Variants in PEA15 observed in about 807,000 individuals in gnomAD.
PEA15 encodes astrocytic phosphoprotein PEA-15.
For synonymous variants in PEA15, 60 were observed against 61.8 expected, an observed-to-expected ratio of 0.97 and a Z score of 0.13; for missense variants, 77 against 161.3, an observed-to-expected ratio of 0.48 and a Z score of 2.83.
At chr1:160,210,391 T>G (rs1654819359) in intron 1 of PEA15, among the ~76,000 whole-genome samples, 1 of 152,258 alleles carries the variant, frequency 6.6e-6, no homozygotes, top group African/African-American at 2.4e-5. Flanking sequence ...AGATACTCAT[T>G]GTGGAAATAA....
chr1:160,206,058 A>G (rs1485357183), intron 1 of PEA15: 1 of 152,386 alleles, frequency 6.6e-6, no homozygotes, highest in East Asian at 1.9e-4. Context: ...ATTTCATATA[A>G]TCCGTGTCAA....
chr1:160,208,788 T>G lies in PEA15; in HGVS notation c.-2-2755T>G. The G allele has an allele frequency of 1.2e-6, 1 of 809,238 alleles. No individual in the cohort carries two copies. Among genetic ancestry groups the G allele is most frequent in the East Asian group, 2.7e-5 (1 of 37,238 alleles). The allele number at this position is 809,238 out of a possible 1,614,324, so 50.1% of individuals were successfully genotyped here. ...CAAGAAGGGAGGCAACTGGGCTGCC[T>G]TTCCTTGTACCGTCAGGGGGCCTTA... On this transcript the variant is annotated intron_variant, in intron 1 of 3. Transcript: ENST00000360472. The surrounding 1 kb of genome is among the most constrained non-coding windows in gnomAD (Gnocchi z 4.1).
rs1206400724 is a variant in PEA15, at chr1:160,213,346, T to G, written c.329-76T>G. On this transcript the variant is annotated intron_variant, in intron 3 of 3. Coordinates refer to ENST00000360472, the MANE Select transcript of PEA15 (RefSeq NM_003768.5). This position sits in a 1 kb window ranked among gnomAD's most constrained non-coding sequence, Gnocchi z 5.3. ...TTGGAGTACTTGAGTTTTGGGAGAGTGGAGGCAGATGCCCAATGGGCCTGC... is the reference window on the plus strand; with the variant it reads ...TTGGAGTACTTGAGTTTTGGGAGAGGGGAGGCAGATGCCCAATGGGCCTGC... The G allele has an allele frequency of 9.3e-6, 15 of 1,609,656 alleles. No individual in the cohort carries two copies. In the South Asian group the frequency reaches 1.4e-4, roughly 15 times the overall value.
intron 2 of PEA15, among the ~76,000 whole-genome samples, chr1:160,212,421 G>C (rs1321282055): frequency 6.6e-6 from 1 of 152,082 alleles, no homozygotes; most frequent in Middle Eastern, 3.2e-3. Flanking sequence ...GAGAGCCTGG[G>C]TATTGGATAG....
Position 160,213,210 on chromosome 1 carries a change from G to A in PEA15, c.273G>A (p.Glu91=), listed in dbSNP as rs760677117. 53 of 1,614,080 alleles carry A rather than the reference G, an allele frequency of 3.3e-5. No homozygotes were observed. The highest frequency in any genetic ancestry group is 5.1e-6 in the Non-Finnish European group (6 of 1,180,046). ...GAACCCGTGTGCTGAAGATCTCTGA[G>A]GAGGATGAGCTGGACACCAAGCTAA... ...DYRTRVLKIS[E]EDELDTKLTR... Residue 91 remains glutamate (E), a synonymous_variant, in exon 3 of 4, where the codon GAG becomes GAA. Coordinates refer to ENST00000360472, the MANE Select transcript of PEA15 (RefSeq NM_003768.5). The surrounding 1 kb of genome is among the most constrained non-coding windows in gnomAD (Gnocchi z 5.3).
At position 160,214,214 on chromosome 1, in the gene PEA15, T is replaced by C. The variant is rs903493136; in HGVS notation, c.*728T>C. ...TGAGGGCAGAGAGAGGGGAGCCCCC[T>C]CTTCCACTCAGTTGTTCCTACTCAG... On this transcript the variant is annotated 3_prime_UTR_variant, in exon 4 of 4. Transcript: ENST00000360472. 1.3e-5 allele frequency: 2 copies of C among 152,744 alleles called. No individual in the cohort carries two copies. Among genetic ancestry groups the C allele is most frequent in the African/African-American group, 4.8e-5 (2 of 41,408 alleles). The allele number at this position is 152,744 out of a possible 1,614,324, so 9.5% of individuals were successfully genotyped here. A position where few individuals can be genotyped will look rare whatever the true frequency, so the allele number is the denominator to read the frequency against.
intron 1 of PEA15, among the ~76,000 whole-genome samples, chr1:160,210,371 A>G: frequency 6.6e-6 from 1 of 152,358 alleles, no homozygotes; most frequent in African/African-American, 2.4e-5. Context: ...TTTTCTGACT[A>G]AAAGGAAATA....
Position 160,213,167 on chromosome 1 carries a change from C to T in PEA15, c.230C>T (p.Thr77Ile), listed in dbSNP as rs1654945451. The change falls in exon 3 of 4, where the codon ACT becomes ATT. Residue 77 changes from threonine to isoleucine, a missense_variant. By Grantham distance (89) the Thr-to-Ile change is moderately conservative. Coordinates refer to ENST00000360472, the MANE Select transcript of PEA15 (RefSeq NM_003768.5). The surrounding 1 kb of genome is among the most constrained non-coding windows in gnomAD (Gnocchi z 5.3). Reference protein sequence around the residue: ...FEISRRPDLLTMVVDYRTRVL... With the variant: ...FEISRRPDLLIMVVDYRTRVL... ...ATCTCCCGCCGTCCTGACCTACTCA[C>T]TATGGTGGTTGACTACAGAACCCGT... The T allele has an allele frequency of 1.9e-6, 3 of 1,614,202 alleles. No homozygotes were observed. The highest frequency in any genetic ancestry group is 1.3e-5 in the African/African-American group (1 of 75,060).
chr1:160,208,792 CTTG>C lies in PEA15; in HGVS notation c.-2-2749_-2-2747del, dbSNP rs1360495745. The C allele has an allele frequency of 1.3e-5, 10 of 761,182 alleles. No individual in the cohort carries two copies. The Admixed American group carries it at 2.2e-4, about 17-fold the overall frequency. 47.2% of individuals were successfully genotyped at this position (761,182 alleles called of 1,614,324 possible). On this transcript the variant is annotated intron_variant, in intron 1 of 3. Transcript: ENST00000360472. This position sits in a 1 kb window ranked among gnomAD's most constrained non-coding sequence, Gnocchi z 4.1. ...AAGGGAGGCAACTGGGCTGCCTTTC[CTTG>C]TACCGTCAGGGGGCCTTATTCCTAT...
rs1654954436 is a variant in PEA15 at position 160,213,347 on chromosome 1, G to A, written c.329-75G>A. On this transcript the variant is annotated intron_variant, in intron 3 of 3. Transcript: ENST00000360472. This position sits in a 1 kb window ranked among gnomAD's most constrained non-coding sequence, Gnocchi z 5.3. ...TGGAGTACTTGAGTTTTGGGAGAGT[G>A]GAGGCAGATGCCCAATGGGCCTGCC... 4.3e-6 allele frequency: 7 copies of A among 1,609,726 alleles called. No individual in the cohort carries two copies. Among genetic ancestry groups the A allele is most frequent in the Non-Finnish European group, 6.0e-6 (7 of 1,175,994 alleles).
intron 1 of PEA15, chr1:160,206,417 T>C (rs1025838309): frequency 1.3e-5 from 2 of 152,268 alleles, no homozygotes; most frequent in African/African-American, 4.8e-5. Context: ...CTCATTCCTC[T>C]AACACAAGGA....
chr1:160,205,401 A>AGGC lies in PEA15; in HGVS notation c.-111_-109dup, dbSNP rs1424228104. The AGGC allele has an allele frequency of 4.4e-5, 8 of 183,040 alleles. No individual in the cohort carries two copies. Among genetic ancestry groups the AGGC allele is most frequent in the South Asian group, 3.5e-4 (3 of 8,632 alleles). The allele number at this position is 183,040 out of a possible 1,614,324, so 11.3% of individuals were successfully genotyped here. On this transcript the variant is annotated 5_prime_UTR_variant, in exon 1 of 4. Coordinates refer to ENST00000360472, the MANE Select transcript of PEA15 (RefSeq NM_003768.5). The surrounding 1 kb of genome is among the most constrained non-coding windows in gnomAD (Gnocchi z 5.9). The stretch of plus-strand genomic sequence containing the variant: ...CGGGCTCCGGCTCCGCGGGCGGAAG[A>AGGC]GGCGGCGGCGGCGGCAGAAGCGGCG...
At position 160,213,754 on chromosome 1, in the gene PEA15, A is replaced by C; in HGVS notation, c.*268A>C. 1 of 453,294 alleles carries C rather than the reference A, an allele frequency of 2.2e-6. No homozygotes were observed. Among genetic ancestry groups the C allele is most frequent in the Non-Finnish European group, 4.1e-6 (1 of 246,880 alleles). 28.1% of individuals were successfully genotyped at this position (453,294 alleles called of 1,614,324 possible). On this transcript the variant is annotated 3_prime_UTR_variant, in exon 4 of 4. Coordinates refer to ENST00000360472, the MANE Select transcript of PEA15 (RefSeq NM_003768.5). The surrounding 1 kb of genome is among the most constrained non-coding windows in gnomAD (Gnocchi z 5.3). The stretch of plus-strand genomic sequence containing the variant: ...CCCACTTTAGGAGGAGGTGGGGGCT[A>C]TTTCTATGCAAATAGAAATCAGCAC...
chr1:160,210,571 A>G (rs1654828987), intron 1 of PEA15, among the ~76,000 whole-genome samples: 1 of 152,224 alleles, frequency 6.6e-6, no homozygotes, highest in South Asian at 2.1e-4. Context: ...GGATAGGGTG[A>G]AAGCCTAGGT....
chr1:160,208,722 G>C lies in PEA15; in HGVS notation c.-2-2821G>C. ...AGTTCCCCTAAACAACACTCCCTTT[G>C]CTTCTTCTGCCATACTAAGGCCTAG... On this transcript the variant is annotated intron_variant, in intron 1 of 3. Coordinates refer to ENST00000360472, the MANE Select transcript of PEA15 (RefSeq NM_003768.5). The surrounding 1 kb of genome is among the most constrained non-coding windows in gnomAD (Gnocchi z 4.1). 1 of 1,422,628 alleles carries C rather than the reference G, an allele frequency of 7.0e-7. No individual in the cohort carries two copies. The highest frequency in any genetic ancestry group is 9.7e-7 in the Non-Finnish European group (1 of 1,030,944). 88.1% of individuals were successfully genotyped at this position (1,422,628 alleles called of 1,614,324 possible).
rs1252944865 is a variant in PEA15 at position 160,215,190 on chromosome 1, G to A, written c.*1704G>A. ...CTTTCTTATGGAAGAAATGGGAGAA[G>A]AGAGACAGGGTTCTTTTCAGCAGAG... On this transcript the variant is annotated 3_prime_UTR_variant, in exon 4 of 4. Transcript: ENST00000360472. 2 of 152,432 alleles carry A rather than the reference G, an allele frequency of 1.3e-5. No individual in the cohort carries two copies. The highest frequency in any genetic ancestry group is 2.1e-4 in the South Asian group (1 of 4,832). 9.4% of individuals were successfully genotyped at this position (152,432 alleles called of 1,614,324 possible).
At position 160,208,266 on chromosome 1, in the gene PEA15, C is replaced by G. The variant is rs887406282; in HGVS notation, c.-3+2744C>G. On this transcript the variant is annotated intron_variant, in intron 1 of 3. Coordinates refer to ENST00000360472, the MANE Select transcript of PEA15 (RefSeq NM_003768.5). The surrounding 1 kb of genome is among the most constrained non-coding windows in gnomAD (Gnocchi z 4.1). ...ATATAATGGTCCTTACCTCCTGCCC[C>G]TCTTCCCCAGCATCCTCAGTTGGTT... 57 of 339,756 alleles carry G rather than the reference C, an allele frequency of 1.7e-4. No homozygotes were observed. The Admixed American group carries it at 2.2e-3, about 13-fold the overall frequency. 21.0% of individuals were successfully genotyped at this position (339,756 alleles called of 1,614,324 possible).
At chr1:160,211,823 A>G in intron 2 of PEA15, 107 bp downstream of exon 2, 1 of 1,027,410 alleles carries the variant, frequency 9.7e-7, no homozygotes, top group Non-Finnish European at 1.4e-6. Flanking sequence ...GTACCCCTCT[A>G]TAGCAAGGCA....
intron 1 of PEA15, among the ~76,000 whole-genome samples, chr1:160,207,696 CA>C (rs1283255804): frequency 6.6e-6 from 1 of 152,074 alleles, no homozygotes; most frequent in Non-Finnish European, 1.5e-5. Context: ...CCTCCTCCCC[CA>C]CAAAGCTGGA....
Sources: allele counts gnomAD v4.1 joint callset (sites outside exome capture counted in the v4.1 genomes callset), GRCh38; gene constraint gnomAD v4.1.1; non-coding constraint Gnocchi (gnomAD v3.1); transcripts MANE v1.5; gene names NCBI Gene and HGNC (gene_info 2026-07-23, HGNC 2026-07-21).